Variants in TACC1 observed in about 807,000 individuals in gnomAD.
The protein encoded by TACC1 is transforming acidic coiled-coil containing protein 1, also known as transforming acidic coiled-coil-containing protein 1.
In TACC1, 48 loss-of-function variants were observed where a neutral mutation model predicts 84.4. That is an observed-to-expected ratio of 0.57 (90% CI 0.45 to 0.72). The LOEUF (loss-of-function observed/expected upper bound fraction) is 0.72. Among genes scored for constraint, TACC1 ranks in the 30% least tolerant of loss-of-function variants. The pLI, the probability that TACC1 is intolerant of heterozygous loss-of-function variation, is 0.00. For synonymous variants in TACC1, 372 were observed against 376.3 expected (o/e 0.99, Z 0.13); for missense variants, 920 against 973.0 (o/e 0.95, Z 0.72).
Position 38,787,723 on chromosome 8 carries a change from G to C in TACC1, c.141G>C (p.Glu47Asp). 1 of 1,547,434 alleles carries C rather than the reference G, an allele frequency of 6.5e-7. No homozygotes were observed. Among genetic ancestry groups the C allele is most frequent in the African/African-American group, 1.4e-5 (1 of 72,300 alleles). The change falls in exon 1 of 13, where the codon GAG (glutamate) becomes GAC (aspartate). Residue 47 changes from glutamate (E) to aspartate (D), a missense_variant. Around this residue, in one of 2 missense-constraint regions of TACC1, gnomAD observed 762 missense variants for 747.3 expected, o/e 1.02. Transcript: ENST00000317827. Reference sequence around the variant, plus strand: ...CCGAGGAGGAGGATTCGCAAGCCGAGACCAAATCCTTGAGTTTCAGGCAAG... The same window carrying C: ...CCGAGGAGGAGGATTCGCAAGCCGACACCAAATCCTTGAGTTTCAGGCAAG... ...GDPEEEDSQA[E>D]TKSLSFSSDS...
intron 2 of TACC1, among the ~76,000 whole-genome samples, chr8:38,814,100 G>T (rs914054487): frequency 2.0e-5 from 3 of 152,130 alleles, no homozygotes; most frequent in Non-Finnish European, 4.4e-5. Context: ...TGTTATTTGT[G>T]TCACTTGGAT....
intron 2 of TACC1, among the ~76,000 whole-genome samples, chr8:38,802,028 G>A (rs978439723): frequency 2.1e-4 from 32 of 152,146 alleles, no homozygotes; most frequent in African/African-American, 7.7e-4. Context: ...GTCCTGCCCA[G>A]CCTCTCTAGT....
At chr8:38,740,369 T>G (rs1348020794) in intron 1 of TACC1, among the ~76,000 whole-genome samples, 1 of 152,170 alleles carries the variant, frequency 6.6e-6, no homozygotes, top group Non-Finnish European at 1.5e-5. Flanking sequence ...AGAGGTAGGC[T>G]CAGAACACCT....
intron 11 of TACC1, among the ~76,000 whole-genome samples, chr8:38,843,820 T>A (rs1831710704): frequency 6.6e-6 from 1 of 152,242 alleles, no homozygotes; most frequent in Non-Finnish European, 1.5e-5. Flanking sequence ...AATCCCCTCC[T>A]GTTAGACATT....
intron 1 of TACC1, among the ~76,000 whole-genome samples, chr8:38,729,049 C>T (rs866987131): frequency 2.4e-4 from 36 of 151,322 alleles, no homozygotes; most frequent in African/African-American, 8.2e-4. Context: ...CTGAAATGCC[C>T]AGGAGCAGTC....
chr8:38,825,418 G>A (rs1343711633), intron 4 of TACC1, 50 bp downstream of exon 4: 1 of 1,606,124 alleles, frequency 6.2e-7, no homozygotes, highest in Non-Finnish European at 8.5e-7. Context: ...GGGTCCTCCA[G>A]TGGGAGTTTG....
chr8:38,800,559 A>C (rs918400886), intron 2 of TACC1, among the ~76,000 whole-genome samples: 2 of 152,208 alleles, frequency 1.3e-5, no homozygotes, highest in African/African-American at 4.8e-5. Context: ...CATGTTTTCA[A>C]GGTTCAGCTA....
intron 9 of TACC1, among the ~76,000 whole-genome samples, chr8:38,841,900 C>T (rs967753088): frequency 5.9e-5 from 9 of 152,270 alleles, no homozygotes; most frequent in African/African-American, 1.9e-4. Context: ...ACTAAATTGC[C>T]GAAATGATAC....
chr8:38,767,903 A>T (rs1176758136), intron 3 of TACC1, among the ~76,000 whole-genome samples: 2 of 152,080 alleles, frequency 1.3e-5, no homozygotes, highest in Non-Finnish European at 2.9e-5. Context: ...TATCTGTACA[A>T]ATAATTTTTT....
At chr8:38,813,452 A>G (rs1192727420) in intron 2 of TACC1, among the ~76,000 whole-genome samples, 2 of 152,228 alleles carry the variant, frequency 1.3e-5, no homozygotes, top group African/African-American at 4.8e-5. Flanking sequence ...AGCTCTTAGT[A>G]GCCCATTGCC....
chr8:38,788,063 C>T (rs1381274254), intron 1 of TACC1: 1 of 382,044 alleles, frequency 2.6e-6, no homozygotes, highest in Non-Finnish European at 4.7e-6. Flanking sequence ...AGCAACGTCA[C>T]TGATCTAACC....
chr8:38,841,384 A>C (rs1460951006), intron 9 of TACC1, among the ~76,000 whole-genome samples: 3 of 152,218 alleles, frequency 2.0e-5, no homozygotes. Flanking sequence ...ACACAAGTGC[A>C]ACAAACATGG....
At chr8:38,809,965 G>A (rs1488081505) in intron 2 of TACC1, among the ~76,000 whole-genome samples, 1 of 152,182 alleles carries the variant, frequency 6.6e-6, no homozygotes, top group Non-Finnish European at 1.5e-5. Context: ...AAGAGTGGGA[G>A]AGAAATTATG....
intron 7 of TACC1, among the ~76,000 whole-genome samples, chr8:38,836,702 C>G (rs1830311881): frequency 6.6e-6 from 1 of 152,224 alleles, no homozygotes; most frequent in South Asian, 2.1e-4. Context: ...AACCGTTCAA[C>G]TCTCCGATTC....
rs940371713 is a variant in TACC1 at position 38,849,162 on chromosome 8, A to G, written c.*1139A>G. The G allele has an allele frequency of 1.3e-5, 2 of 151,592 alleles. No individual in the cohort carries two copies. The highest frequency in any genetic ancestry group is 1.3e-4 in the Admixed American group (2 of 15,232). The allele number at this position is 151,592 out of a possible 1,614,324, so 9.4% of individuals were successfully genotyped here. The stretch of plus-strand genomic sequence containing the variant: ...CAAAAAATACCTTCTAACTTAAGAC[A>G]GAATTTTTAACAAAATGAGCAGTAA... On this transcript the variant is annotated 3_prime_UTR_variant, in exon 13 of 13. Coordinates refer to ENST00000317827, the MANE Select transcript of TACC1 (RefSeq NM_006283.3).
chr8:38,783,390 T>C (rs942751460), upstream of TACC1, among the ~76,000 whole-genome samples: 10 of 151,760 alleles, frequency 6.6e-5, no homozygotes, highest in African/African-American at 2.2e-4. Flanking sequence ...GTTTGGATCT[T>C]TGTTAATCTT....
Position 38,787,392 on chromosome 8 carries a change from A to G in TACC1, c.-191A>G. ...CCGTGAGGGGAGGAGGCCGAGGAGG[A>G]CGCAGCGCCGGCTGCCGGCGGGAGG... On this transcript the variant is annotated 5_prime_UTR_variant, in exon 1 of 13. Transcript: ENST00000317827. 1 of 1,353,322 alleles carries G rather than the reference A, an allele frequency of 7.4e-7. No homozygotes were observed. Among genetic ancestry groups the G allele is most frequent in the South Asian group, 1.8e-5 (1 of 55,268 alleles). 83.8% of individuals were successfully genotyped at this position (1,353,322 alleles called of 1,614,324 possible). A position where few individuals can be genotyped will look rare whatever the true frequency, so the allele number is the denominator to read the frequency against.
Position 38,842,333 on chromosome 8 carries a change from A to G in TACC1, c.2007A>G (p.Gln669=), listed in dbSNP as rs760867748. 2.5e-6 allele frequency: 4 copies of G among 1,614,226 alleles called. No homozygotes were observed. In the East Asian group the frequency reaches 8.9e-5, roughly 36 times the overall value. ...TSMTSQKSFQ[Q]LTMEKEQALA... is the part of the protein sequence containing the mutation. The stretch of plus-strand genomic sequence containing the variant: ...TGACCTCTCAGAAGAGCTTCCAGCA[A>G]CTGACCATGGAGAAGGAACAGGCCC... Residue 669 remains glutamine (Q), a synonymous_variant, in exon 10 of 13, where the codon CAA becomes CAG. Transcript: ENST00000317827.
chr8:38,757,286 C>G, intron 3 of TACC1: 2 of 1,243,314 alleles, frequency 1.6e-6, no homozygotes, highest in Non-Finnish European at 2.1e-6. Flanking sequence ...CACAGCCGCC[C>G]GCCGCCCAGC....
Sources: gnomAD v4.1 joint callset for allele counts (sites outside exome capture counted in the v4.1 genomes callset) on GRCh38, gnomAD v4.1.1 for gene constraint, gnomAD v4.1.1 regional missense constraint, MANE v1.5 for transcripts, NCBI Gene and HGNC (gene_info 2026-07-23, HGNC 2026-07-21) for gene names.